The following ZNF611 variants were observed in gnomAD, a reference collection of about 807,000 sequenced individuals.
ZNF611 encodes the protein zinc finger protein 611.
ZNF611 carries 6 observed loss-of-function variants against 8.9 expected under a neutral mutation model. That is an observed-to-expected ratio of 0.68 (90% confidence interval 0.37 to 1.34). ZNF611 has a LOEUF of 1.34. Among genes scored for constraint, ZNF611 ranks in the 40% most tolerant of loss-of-function variants. The pLI is 0.02. For missense variants in ZNF611, 874 were observed against 841.3 expected, an observed-to-expected ratio of 1.04 and a Z score of -0.48; for synonymous variants, 262 against 279.7, an observed-to-expected ratio of 0.94 and a Z score of 0.63.
chr19:52,733,449 C>A (rs2147453279), intron 1 of ZNF611, among the ~76,000 whole-genome samples: 1 of 152,250 alleles, frequency 6.6e-6, no homozygotes, highest in Non-Finnish European at 1.5e-5. Flanking sequence ...TACAGGTGCA[C>A]ACCATTATGC....
chr19:52,723,154 C>T (rs1302307468), intron 3 of ZNF611, among the ~76,000 whole-genome samples: 1 of 151,420 alleles, frequency 6.6e-6, no homozygotes, highest in African/African-American at 2.4e-5. Flanking sequence ...GGATTGTGCT[C>T]CTTATTTTGT....
chr19:52,730,433 A>G (rs2062419402), intron 1 of ZNF611, among the ~76,000 whole-genome samples: 1 of 142,512 alleles, frequency 7.0e-6, no homozygotes, highest in Non-Finnish European at 1.5e-5. Flanking sequence ...AACATGATGT[A>G]GGCTCCTTGG....
intron 3 of ZNF611, among the ~76,000 whole-genome samples, chr19:52,719,501 C>T (rs1452227947): frequency 6.6e-6 from 1 of 152,158 alleles, no homozygotes; most frequent in Admixed American, 6.5e-5. Context: ...AGTTTGGCAA[C>T]TCTCATTCTC....
intron 3 of ZNF611, chr19:52,720,930 G>C (rs529625688): frequency 1.3e-5 from 2 of 150,514 alleles, no homozygotes; most frequent in East Asian, 3.9e-4. Flanking sequence ...TCACATCCCA[G>C]ACGGGGCGGC....
chr19:52,703,519 C>G lies in ZNF611; in HGVS notation c.*1418G>C, dbSNP rs1239056595. On this transcript the variant is annotated 3_prime_UTR_variant, in exon 6 of 6. Coordinates refer to ENST00000652185, the MANE Select transcript of ZNF611 (RefSeq NM_001161499.2). ...TTTTGAAATTGTGACCTTAGGTGAC[C>G]AGTTCACATGGGTCGACCAAAGTAC... 1 of 151,188 alleles carries G rather than the reference C, an allele frequency of 6.6e-6. No homozygotes were observed. The highest frequency in any genetic ancestry group is 1.5e-5 in the Non-Finnish European group (1 of 67,948). 9.4% of individuals were successfully genotyped at this position (151,188 alleles called of 1,614,324 possible). A position where few individuals can be genotyped will look rare whatever the true frequency, so the allele number is the denominator to read the frequency against.
intron 5 of ZNF611, among the ~76,000 whole-genome samples, chr19:52,713,620 G>T (rs2062294731): frequency 6.6e-6 from 1 of 152,074 alleles, no homozygotes; most frequent in Admixed American, 6.5e-5. Flanking sequence ...AGCTGGGCAT[G>T]GTGGCTCACG....
Position 52,706,110 on chromosome 19 carries a change from G to T in ZNF611, c.945C>A (p.Tyr315Ter), listed in dbSNP as rs762311560. ...AGATCTTGCCACACTCATTACAATT[G>T]TAACGTTTTACTCCAGTATGAAGTC... ...HRRLHTGVKRYNCNECGKIFG... is the reference protein window; with the variant it reads ...HRRLHTGVKR Residue 315 changes from tyrosine to a stop codon, truncating the protein, a stop_gained, in exon 6 of 6, where the codon TAC becomes TAA. Transcript: ENST00000652185. LOFTEE classifies it low-confidence loss of function (END_TRUNC). 1 of 1,614,064 alleles carries T rather than the reference G, an allele frequency of 6.2e-7. No homozygotes were observed. The highest frequency in any genetic ancestry group is 8.5e-7 in the Non-Finnish European group (1 of 1,179,982).
chr19:52,728,493 G>A (rs187383458), intron 3 of ZNF611, among the ~76,000 whole-genome samples: 11 of 151,902 alleles, frequency 7.2e-5, no homozygotes, highest in Middle Eastern at 3.4e-3. Flanking sequence ...AGCCGAGATC[G>A]CACCATTTAA....
chr19:52,731,991 G>A (rs1449430574), intron 1 of ZNF611, among the ~76,000 whole-genome samples: 4 of 148,492 alleles, frequency 2.7e-5, no homozygotes, highest in African/African-American at 4.9e-5. Context: ...AAAAAAAATG[G>A]CCGGGCGGGT....
At position 52,714,401 on chromosome 19, in the gene ZNF611, A is replaced by C. The variant is rs180798716; in HGVS notation, c.64-260T>G. On this transcript the variant is annotated intron_variant, in intron 4 of 5. Transcript: ENST00000652185. ...AAAAACTATAAAAATAAAAAGGAAA[A>C]ACAGGGCCAGGCATGGCAGTTCACG... Among the ~76,000 whole-genome samples, 73 of 152,160 alleles carry C rather than the reference A, an allele frequency of 4.8e-4. No individual in the cohort carries two copies. In the East Asian group the frequency reaches 7.7e-3, roughly 16 times the overall value.
intron 3 of ZNF611, among the ~76,000 whole-genome samples, chr19:52,721,690 GGAGGGAGAGGGAGAGGCAGAGGCA>G (rs1484109597): frequency 6.6e-6 from 1 of 151,500 alleles, no homozygotes; most frequent in Non-Finnish European, 1.5e-5. Context: ...AGGGAGAGAG[GGAGGGAGAGGGAGAGGCAGAGGCA>G]GAGGGAGAGG....
rs781657404 is a variant in ZNF611 at position 52,705,791 on chromosome 19, C to T, written c.1264G>A (p.Ala422Thr). ...QLARHRRIHTAKKTYKCNECG... is the reference protein window; with the variant it reads ...QLARHRRIHTTKKTYKCNECG... ...TCATTACATTTATAAGTTTTCTTTG[C>T]AGTATGAATTCTTCTATGTCGAGCC... is the stretch of plus-strand genomic sequence containing the variant. The change falls in exon 6 of 6, where the codon GCA becomes ACA. Residue 422 changes from alanine to threonine, a missense_variant. Coordinates refer to ENST00000652185, the MANE Select transcript of ZNF611 (RefSeq NM_001161499.2). The T allele has an allele frequency of 1.2e-6, 2 of 1,613,910 alleles. No homozygotes were observed. The highest frequency in any genetic ancestry group is 1.3e-5 in the African/African-American group (1 of 74,998).
chr19:52,734,134 A>G (rs535760926), intron 1 of ZNF611, among the ~76,000 whole-genome samples: 29 of 17,370 alleles, frequency 1.7e-3, no homozygotes, highest in African/African-American at 0.01. Context: ...CTGTACATCT[A>G]TCTAGCCTTT....
At chr19:52,723,045 C>A (rs1568607446) in intron 3 of ZNF611, among the ~76,000 whole-genome samples, 2 of 150,014 alleles carry the variant, frequency 1.3e-5, no homozygotes, top group African/African-American at 2.5e-5. Flanking sequence ...CTGCGCCTGG[C>A]CCCTCTTTCT....
chr19:52,704,297 G>T lies in ZNF611; in HGVS notation c.*640C>A. 3.7e-6 allele frequency: 2 copies of T among 546,742 alleles called. No individual in the cohort carries two copies. The highest frequency in any genetic ancestry group is 7.2e-6 in the Non-Finnish European group (2 of 276,446). The allele number at this position is 546,742 out of a possible 1,614,324, so 33.9% of individuals were successfully genotyped here. On this transcript the variant is annotated 3_prime_UTR_variant, in exon 6 of 6. Coordinates refer to ENST00000652185, the MANE Select transcript of ZNF611 (RefSeq NM_001161499.2). ...CGGTTATCTCAAAAATGAATTTTCT[G>T]ATGTTCTGCATGGAGTGATCTTGGA...
intron 3 of ZNF611, among the ~76,000 whole-genome samples, chr19:52,727,751 G>A (rs1280838048): frequency 1.3e-5 from 2 of 152,092 alleles, no homozygotes; most frequent in Admixed American, 1.3e-4. Flanking sequence ...ACTCTTAGAA[G>A]TTGCACCTGC....
At chr19:52,722,563 C>T (rs759075669) in intron 3 of ZNF611, among the ~76,000 whole-genome samples, 19 of 152,054 alleles carry the variant, frequency 1.2e-4, no homozygotes, top group Non-Finnish European at 2.1e-4. Context: ...TGGAAGCTAA[C>T]CTCTGACACC....
At chr19:52,729,492 C>CAAAAAAAAAAAAAAAAAAAAAAAAA (rs397859789) in intron 2 of ZNF611, among the ~76,000 whole-genome samples, 52 of 42,360 alleles carry the variant, frequency 1.2e-3, no homozygotes, top group African/African-American at 2.5e-3. Context: ...GACTCCATCT[C>CAAAAAAAAAAAAAAAAAAAAAAAAA]AAAAAAAAAA....
Position 52,705,024 on chromosome 19 carries a change from A to T in ZNF611, c.2031T>A (p.Pro677=). ...RHTRIHTAEK[P]YKCNECGKAF... ...CCTTCCCACATTCATTACACTTGTA[A>T]GGTTTCTCTGCAGTGTGAATTCTGG... Residue 677 remains proline (P), a synonymous_variant, in exon 6 of 6, where the codon CCT becomes CCA. Transcript: ENST00000652185. The T allele has an allele frequency of 6.2e-7, 1 of 1,614,190 alleles. No individual in the cohort carries two copies. Among genetic ancestry groups the T allele is most frequent in the Non-Finnish European group, 8.5e-7 (1 of 1,180,036 alleles).
Sources: gnomAD v4.1 joint callset for allele counts (sites outside exome capture counted in the v4.1 genomes callset) on GRCh38, gnomAD v4.1.1 for gene constraint, MANE v1.5 for transcripts, NCBI Gene and HGNC (gene_info 2026-07-23, HGNC 2026-07-21) for gene names.